The following PRR16 variants were observed in gnomAD, a reference collection of about 807,000 sequenced individuals.
PRR16 encodes protein Largen.
A neutral mutation model predicts 18.2 loss-of-function variants in PRR16; 6 were observed. The observed-to-expected ratio is 0.33, with a 90% confidence interval of 0.18 to 0.65. The LOEUF (loss-of-function observed/expected upper bound fraction) is 0.65. Among genes scored for constraint, PRR16 ranks in the 30% least tolerant of loss-of-function variants. The pLI is 0.74. For missense variants in PRR16, 412 were observed against 376.6 expected, an observed-to-expected ratio of 1.09 and a Z score of -0.78; for synonymous variants, 151 against 147.8, an observed-to-expected ratio of 1.02 and a Z score of -0.16.
the PRR16 span, among the ~76,000 whole-genome samples, chr5:120,721,135 T>C: frequency 6.6e-6 from 1 of 152,114 alleles, no homozygotes; most frequent in South Asian, 2.1e-4. Context: ...TGGAATTCAT[T>C]TATTCATTCA....
chr5:120,780,610 T>C, the PRR16 span, among the ~76,000 whole-genome samples: 1 of 152,050 alleles, frequency 6.6e-6, no homozygotes, highest in East Asian at 1.9e-4. Flanking sequence ...CAATAGGTTG[T>C]CAAAAAATCC....
At chr5:120,551,099 T>C (rs1752240761) in intron 1 of PRR16, among the ~76,000 whole-genome samples, 1 of 151,978 alleles carries the variant, frequency 6.6e-6, no homozygotes, top group African/African-American at 2.4e-5. Context: ...TATAATACGT[T>C]ATTATCTGTA....
At chr5:120,697,847 G>C in the PRR16 span, among the ~76,000 whole-genome samples, 4 of 152,012 alleles carry the variant, frequency 2.6e-5, no homozygotes, top group Non-Finnish European at 5.9e-5. Context: ...CCTTAAGTTA[G>C]TCAAAACTTA....
At chr5:120,615,495 T>G (rs1754480468) in intron 1 of PRR16, among the ~76,000 whole-genome samples, 1 of 151,520 alleles carries the variant, frequency 6.6e-6, no homozygotes, top group Non-Finnish European at 1.5e-5. Context: ...TGTTTGCCAT[T>G]TTTTGCTTTT....
At chr5:120,701,918 G>A in the PRR16 span, among the ~76,000 whole-genome samples, 2 of 152,146 alleles carry the variant, frequency 1.3e-5, no homozygotes, top group African/African-American at 4.8e-5. Context: ...TGGCTATTTG[G>A]AACGACTGTC....
chr5:120,678,671 T>C (rs1231238022), intron 1 of PRR16, among the ~76,000 whole-genome samples: 1 of 152,206 alleles, frequency 6.6e-6, no homozygotes, highest in African/African-American at 2.4e-5. Context: ...GTTTACCAAT[T>C]CTAATAGTGT....
chr5:120,495,293 T>A (rs1035194857), intron 1 of PRR16, among the ~76,000 whole-genome samples: 3 of 152,152 alleles, frequency 2.0e-5, no homozygotes, highest in Admixed American at 2.0e-4. Context: ...TTTTGTTAGA[T>A]TTCTACCTAT....
the PRR16 span, among the ~76,000 whole-genome samples, chr5:120,755,966 T>C: frequency 1.3e-5 from 2 of 152,142 alleles, no homozygotes; most frequent in Non-Finnish European, 2.9e-5. Flanking sequence ...TACCCTCTAG[T>C]GGTTTCCCAT....
the PRR16 span, among the ~76,000 whole-genome samples, chr5:120,779,426 C>CA: frequency 2.0e-5 from 3 of 148,812 alleles, no homozygotes; most frequent in East Asian, 2.0e-4. Context: ...CAAAACAAAA[C>CA]AAAAAAACAC....
intron 1 of PRR16, among the ~76,000 whole-genome samples, chr5:120,491,686 G>A (rs1750055178): frequency 6.6e-6 from 1 of 152,010 alleles, no homozygotes; most frequent in Admixed American, 6.6e-5. Flanking sequence ...TGGGATTACA[G>A]CCACCCGCCA....
chr5:120,605,571 C>T (rs575420839), intron 1 of PRR16, among the ~76,000 whole-genome samples: 12 of 152,218 alleles, frequency 7.9e-5, no homozygotes, highest in East Asian at 3.9e-4. Context: ...AGTGTGGTCA[C>T]GTGGAGGTTA....
the PRR16 span, among the ~76,000 whole-genome samples, chr5:120,785,569 G>GTTTTTTTTTTT: frequency 1.1e-4 from 11 of 99,652 alleles, no homozygotes; most frequent in African/African-American, 2.6e-4. Flanking sequence ...GTGTTTTGTT[G>GTTTTTTTTTTT]TTGTTGTTTT....
At chr5:120,566,946 A>G (rs1752756642) in intron 1 of PRR16, among the ~76,000 whole-genome samples, 1 of 152,024 alleles carries the variant, frequency 6.6e-6, no homozygotes, top group African/African-American at 2.4e-5. Flanking sequence ...GTTTTCTTAT[A>G]TGTCTCATGA....
intron 1 of PRR16, among the ~76,000 whole-genome samples, chr5:120,586,657 C>A (rs555630173): frequency 1.9e-4 from 29 of 152,100 alleles, no homozygotes; most frequent in African/African-American, 6.5e-4. Flanking sequence ...ATAAGACTTC[C>A]AACTAATTGA....
intron 1 of PRR16, among the ~76,000 whole-genome samples, chr5:120,648,445 T>C (rs1020248863): frequency 2.0e-5 from 3 of 152,152 alleles, no homozygotes; most frequent in Non-Finnish European, 2.9e-5. Flanking sequence ...ACCACCAGTA[T>C]GCTTCCCTGC....
At chr5:120,622,682 T>C (rs1561578813) in intron 1 of PRR16, among the ~76,000 whole-genome samples, 1 of 152,056 alleles carries the variant, frequency 6.6e-6, no homozygotes, top group South Asian at 2.1e-4. Context: ...TTTCACCATG[T>C]TGGCTAGGAT....
intron 1 of PRR16, among the ~76,000 whole-genome samples, chr5:120,546,452 G>C (rs1000609060): frequency 2.6e-5 from 4 of 152,088 alleles, no homozygotes; most frequent in African/African-American, 9.7e-5. Context: ...TTGATTGCCT[G>C]TTATTAGCAG....
intron 1 of PRR16, among the ~76,000 whole-genome samples, chr5:120,613,111 T>C (rs1257867145): frequency 6.6e-6 from 1 of 152,286 alleles, no homozygotes; most frequent in East Asian, 1.9e-4. Flanking sequence ...AAACTTATAA[T>C]GCAAATATTT....
At chr5:120,505,946 G>GTATATATATATA (rs10635515) in intron 1 of PRR16, among the ~76,000 whole-genome samples, 2 of 141,306 alleles carry the variant, frequency 1.4e-5, no homozygotes, top group Admixed American at 7.2e-5. Flanking sequence ...GTGTGTGTGT[G>GTATATATATATA]TATATATATA....
Sources: allele counts gnomAD v4.1 joint callset (sites outside exome capture counted in the v4.1 genomes callset), GRCh38; gene constraint gnomAD v4.1.1; transcripts MANE v1.5; gene names NCBI Gene and HGNC (gene_info 2026-07-23, HGNC 2026-07-21).